MALRD1: variants seen among roughly 807,000 people sequenced by gnomAD.
MALRD1 encodes the protein MAM and LDL-receptor class A domain-containing protein 1.
In MALRD1, 247 loss-of-function variants were observed where a neutral mutation model predicts 242.1. The ratio of observed to expected loss-of-function variants is 1.02; its 90% CI spans 0.92 to 1.13. MALRD1 has a LOEUF of 1.13. Ranked by LOEUF, MALRD1 falls within the 50% of genes most tolerant of loss-of-function variation. MALRD1 has a pLI of 0.00. For synonymous variants in MALRD1, 995 were observed against 866.6 expected (o/e 1.15, Z -2.60); for missense variants, 2,989 against 2,533.1 (o/e 1.18, Z -3.86).
intron 18 of MALRD1, among the ~76,000 whole-genome samples, chr10:19,219,498 A>G (rs1837468268): frequency 1.3e-5 from 2 of 152,038 alleles, no homozygotes; most frequent in African/African-American, 2.4e-5. Context: ...GTTCAGCGCC[A>G]TGTTCATAGT....
intron 19 of MALRD1, among the ~76,000 whole-genome samples, chr10:19,277,145 C>G (rs557558956): frequency 6.6e-6 from 1 of 152,148 alleles, no homozygotes; most frequent in Non-Finnish European, 1.5e-5. Flanking sequence ...AGGCTAGTCT[C>G]AAAATCCTGA....
At chr10:19,256,140 G>T (rs756384469) in intron 18 of MALRD1, among the ~76,000 whole-genome samples, 26 of 152,120 alleles carry the variant, frequency 1.7e-4, no homozygotes, top group Non-Finnish European at 3.1e-4. Context: ...CATGAGGAGT[G>T]AGGCCAAGTC....
chr10:19,358,681 A>G (rs186677045), intron 26 of MALRD1, among the ~76,000 whole-genome samples: 52 of 152,306 alleles, frequency 3.4e-4, no homozygotes, highest in African/African-American at 1.3e-3. Flanking sequence ...GATTTGAAAA[A>G]TAAATCAGAT....
intron 18 of MALRD1, among the ~76,000 whole-genome samples, chr10:19,223,996 C>T (rs1454715816): frequency 1.3e-5 from 2 of 152,150 alleles, no homozygotes; most frequent in Admixed American, 6.5e-5. Context: ...GTGAATAGTG[C>T]TGCAGTAAAC....
At chr10:19,599,990 G>A (rs1564473774) in intron 34 of MALRD1, among the ~76,000 whole-genome samples, 2 of 152,102 alleles carry the variant, frequency 1.3e-5, no homozygotes, top group Non-Finnish European at 2.9e-5. Flanking sequence ...GTGGAGAATA[G>A]ATCAGGAGAA....
chr10:19,281,257 A>G (rs529059951), intron 20 of MALRD1, among the ~76,000 whole-genome samples: 66 of 152,214 alleles, frequency 4.3e-4, no homozygotes, highest in Non-Finnish European at 7.8e-4. Context: ...AAATAATACA[A>G]TGGAAGGTGT....
intron 32 of MALRD1, among the ~76,000 whole-genome samples, chr10:19,534,397 C>A (rs967742898): frequency 1.9e-4 from 29 of 152,276 alleles, no homozygotes; most frequent in African/African-American, 6.3e-4. Context: ...TTGAGGCTTT[C>A]CATTAGCATG....
chr10:19,718,522 C>T (rs897840833), intron 38 of MALRD1, among the ~76,000 whole-genome samples: 3 of 152,180 alleles, frequency 2.0e-5, no homozygotes, highest in Non-Finnish European at 4.4e-5. Context: ...CGATGTGGCG[C>T]TAAGCCTTTC....
chr10:19,148,504 A>G (rs1280471236), intron 11 of MALRD1, among the ~76,000 whole-genome samples: 1 of 152,132 alleles, frequency 6.6e-6, no homozygotes, highest in Non-Finnish European at 1.5e-5. Flanking sequence ...TAATAAGAAG[A>G]CTAGGAAAAA....
intron 21 of MALRD1, among the ~76,000 whole-genome samples, chr10:19,293,787 A>G (rs1403674934): frequency 2.0e-5 from 3 of 152,212 alleles, no homozygotes; most frequent in Non-Finnish European, 4.4e-5. Flanking sequence ...AGAGAACCAG[A>G]AAAAATAACT....
At chr10:19,219,571 C>T (rs1306156557) in intron 18 of MALRD1, among the ~76,000 whole-genome samples, 4 of 151,972 alleles carry the variant, frequency 2.6e-5, no homozygotes, top group South Asian at 2.1e-4. Context: ...CAAGTAGCTG[C>T]GCCTATAGGC....
chr10:19,382,129 A>G (rs919697283), intron 26 of MALRD1, among the ~76,000 whole-genome samples: 1 of 152,200 alleles, frequency 6.6e-6, no homozygotes, highest in Admixed American at 6.5e-5. Flanking sequence ...GGCTTTAACA[A>G]TTAAGGATTG....
intron 32 of MALRD1, among the ~76,000 whole-genome samples, chr10:19,555,247 A>T (rs947122027): frequency 2.0e-5 from 3 of 152,074 alleles, no homozygotes; most frequent in African/African-American, 7.2e-5. Flanking sequence ...TGCCCCCATG[A>T]CCCAAACACC....
intron 32 of MALRD1, among the ~76,000 whole-genome samples, chr10:19,558,710 T>A (rs1835832850): frequency 6.6e-6 from 1 of 152,120 alleles, no homozygotes; most frequent in East Asian, 1.9e-4. Flanking sequence ...TAGTAATGTT[T>A]TTGTCTGGTT....
At chr10:19,410,727 A>G (rs1034290115) in intron 28 of MALRD1, among the ~76,000 whole-genome samples, 1 of 124,990 alleles carries the variant, frequency 8.0e-6, no homozygotes, top group Non-Finnish European at 1.6e-5. Flanking sequence ...GACCTACTTT[A>G]GGAAGAGTCA....
At chr10:19,357,304 T>G (rs1333403222) in intron 26 of MALRD1, among the ~76,000 whole-genome samples, 1 of 152,046 alleles carries the variant, frequency 6.6e-6, no homozygotes, top group Non-Finnish European at 1.5e-5. Context: ...GGTTCTAAGA[T>G]TCTTAAGAAT....
At chr10:19,698,724 A>C (rs1764281583) in intron 38 of MALRD1, among the ~76,000 whole-genome samples, 1 of 152,190 alleles carries the variant, frequency 6.6e-6, no homozygotes, top group African/African-American at 2.4e-5. Flanking sequence ...CCGGAGCTGC[A>C]TCAGAGTAGA....
intron 28 of MALRD1, among the ~76,000 whole-genome samples, chr10:19,400,658 G>T (rs1846796759): frequency 1.3e-5 from 2 of 152,160 alleles, no homozygotes; most frequent in South Asian, 4.1e-4. Flanking sequence ...TTTATAGACT[G>T]AAAGTGTTTA....
intron 24 of MALRD1, among the ~76,000 whole-genome samples, chr10:19,332,841 C>G (rs1843440705): frequency 6.6e-6 from 1 of 152,110 alleles, no homozygotes; most frequent in South Asian, 2.1e-4. Flanking sequence ...GTTCATAAAA[C>G]TTGTACTGAC....
Sources: allele counts gnomAD v4.1 joint callset (sites outside exome capture counted in the v4.1 genomes callset), GRCh38; gene constraint gnomAD v4.1.1; transcripts MANE v1.5; gene names NCBI Gene and HGNC (gene_info 2026-07-23, HGNC 2026-07-21).